The following LPCAT1 variants were observed in gnomAD, a reference collection of about 807,000 sequenced individuals.
LPCAT1 encodes 1-acylglycerol-3-phosphate O-acyltransferase.
In LPCAT1, 23 loss-of-function variants were observed where a neutral mutation model predicts 60.9. The ratio of observed to expected loss-of-function variants is 0.38; its 90% CI spans 0.27 to 0.53. The LOEUF (loss-of-function observed/expected upper bound fraction) is 0.53, where lower values mean the gene tolerates loss of function less well. Ranked by LOEUF, LPCAT1 falls within the 20% of genes least tolerant of loss-of-function variation. The probability of loss-of-function intolerance (pLI) is 0.82; values close to 1 mark genes in which losing one functional copy is unlikely to be tolerated. For synonymous variants in LPCAT1, 340 were observed against 301.1 expected, an observed-to-expected ratio of 1.13 and a Z score of -1.34; for missense variants, 622 against 723.6, an observed-to-expected ratio of 0.86 and a Z score of 1.61.
rs1366802353 is a variant in LPCAT1, at chr5:1,483,975, T to C, written c.668-489A>G. On this transcript the variant is annotated intron_variant, in intron 5 of 13. Coordinates refer to ENST00000283415, the MANE Select transcript of LPCAT1 (RefSeq NM_024830.5). This position sits in a 1 kb window ranked among gnomAD's most constrained non-coding sequence, Gnocchi z 9.2. ...AGGCGTTGGTGGGAAGTGGGGGTCC[T>C]CATCACCGGCCAATGCTCACCCACC... Among the ~76,000 whole-genome samples, 2 of 152,250 alleles carry C rather than the reference T, an allele frequency of 1.3e-5. No homozygotes were observed. The highest frequency in any genetic ancestry group is 2.1e-4 in the South Asian group (1 of 4,836).
intron 12 of LPCAT1, among the ~76,000 whole-genome samples, chr5:1,467,979 T>C (rs1480076526): frequency 3.3e-5 from 5 of 152,008 alleles, no homozygotes. Flanking sequence ...TTGTGAGCGT[T>C]TGCTCCACCC....
Position 1,502,331 on chromosome 5 carries a change from A to G in LPCAT1, c.136-728T>C, listed in dbSNP as rs1461795627. 2.0e-5 allele frequency among the ~76,000 whole-genome samples: 3 copies of G among 152,264 alleles called. No homozygotes were observed. In the East Asian group the frequency reaches 5.8e-4, roughly 29 times the overall value. On this transcript the variant is annotated intron_variant, in intron 1 of 13. Coordinates refer to ENST00000283415, the MANE Select transcript of LPCAT1 (RefSeq NM_024830.5). This position sits in a 1 kb window ranked among gnomAD's most constrained non-coding sequence, Gnocchi z 5.5. ...TTCCCCTGAAATCGTTTATGTGGAC[A>G]TGAGAAAGCATACGCCACCCTAGGC...
rs766530725 is a variant in LPCAT1, at chr5:1,463,667, C to A, written c.1589G>T (p.Arg530Leu). The change falls in exon 14 of 14, where the codon CGC becomes CTC. Residue 530 changes from arginine to leucine, a missense_variant. Physicochemically the swap from Arg to Leu is moderately radical, Grantham distance 102. Transcript: ENST00000283415. The part of the protein sequence containing the change: ...ENSDAGRKPV[R>L]KKLD ...CCCTGGGTCCTAATCCAGCTTCTTG[C>A]GAACAGGCTTCCGCCCAGCGTCTGA... The A allele has an allele frequency of 5.6e-6, 9 of 1,614,172 alleles. No individual in the cohort carries two copies. The highest frequency in any genetic ancestry group is 7.6e-6 in the Non-Finnish European group (9 of 1,180,024).
intron 9 of LPCAT1, among the ~76,000 whole-genome samples, chr5:1,474,889 C>T (rs956257367): frequency 1.3e-5 from 2 of 152,250 alleles, no homozygotes; most frequent in African/African-American, 2.4e-5. Context: ...ACGGCAGCCA[C>T]ACCAAAGGTC....
chr5:1,499,375 C>G (rs1735923046), intron 2 of LPCAT1, among the ~76,000 whole-genome samples: 1 of 152,168 alleles, frequency 6.6e-6, no homozygotes, highest in Non-Finnish European at 1.5e-5. Flanking sequence ...CCCACAGCAC[C>G]ACATTCAGCC....
rs763516422 is a variant in LPCAT1, at chr5:1,461,789, G to A, written c.*1862C>T. The A allele has an allele frequency of 2.6e-5, 4 of 152,598 alleles. No homozygotes were observed. The highest frequency in any genetic ancestry group is 4.4e-5 in the Non-Finnish European group (3 of 68,032). 9.5% of individuals were successfully genotyped at this position (152,598 alleles called of 1,614,324 possible). On this transcript the variant is annotated 3_prime_UTR_variant, in exon 14 of 14. Coordinates refer to ENST00000283415, the MANE Select transcript of LPCAT1 (RefSeq NM_024830.5). ...AAAAACCCTTCATCTGCAGACCTGC[G>A]GAAGGGAGGTGGCCTGGGTCCCTTC...
At chr5:1,474,942 G>T (rs1341137444) in intron 9 of LPCAT1, among the ~76,000 whole-genome samples, 3 of 152,254 alleles carry the variant, frequency 2.0e-5, no homozygotes, top group South Asian at 4.1e-4. Context: ...GAAAAAGTTT[G>T]AAACAGCGTG....
intron 13 of LPCAT1, among the ~76,000 whole-genome samples, chr5:1,465,766 GCA>G (rs941380997): frequency 2.3e-5 from 2 of 86,452 alleles, no homozygotes; most frequent in African/African-American, 4.5e-5. Context: ...ACAAACGTGT[GCA>G]CACACGGTAA....
In LPCAT1 at chr5:1,481,045, G is replaced by A; in HGVS notation, c.727-69C>T. On this transcript the variant is annotated intron_variant, in intron 6 of 13. Transcript: ENST00000283415. The surrounding 1 kb of genome is among the most constrained non-coding windows in gnomAD (Gnocchi z 7.8). ...CAGGGCCTGCACCAAGCACCTGCGT[G>A]TGCCGGCCTCTCCCTGCACCTCCCA... The A allele has an allele frequency of 6.3e-7, 1 of 1,576,006 alleles. No homozygotes were observed.
chr5:1,466,853 C>A lies in LPCAT1; in HGVS notation c.1316G>T (p.Gly439Val). Residue 439 changes from glycine (G) to valine (V), a missense_variant, in exon 13 of 14, where the codon GGT becomes GTT. Transcript: ENST00000283415. ...GAQEDGSVGE[G>V]DLSCILKTAL... ...CGTCTTGAGGATGCAGGACAGGTCA[C>A]CTTCGCCGACGCTGCCGTCCTCTTG... The A allele has an allele frequency of 6.2e-7, 1 of 1,609,468 alleles. No homozygotes were observed. Among genetic ancestry groups the A allele is most frequent in the Non-Finnish European group, 8.5e-7 (1 of 1,177,202 alleles).
intron 3 of LPCAT1, among the ~76,000 whole-genome samples, chr5:1,491,497 T>TG (rs1316683546): frequency 9.7e-6 from 1 of 102,854 alleles, no homozygotes; most frequent in Non-Finnish European, 2.0e-5. Context: ...GGGGTAAATG[T>TG]GGGGGGTGCA....
In LPCAT1 at chr5:1,483,514, C is replaced by T. The variant is rs771180664; in HGVS notation, c.668-28G>A. On this transcript the variant is annotated intron_variant, in intron 5 of 13. Coordinates refer to ENST00000283415, the MANE Select transcript of LPCAT1 (RefSeq NM_024830.5). The surrounding 1 kb of genome is among the most constrained non-coding windows in gnomAD (Gnocchi z 9.2). ...GCCGAGAAAGGAACAGCGGTGTTGC[C>T]CATGGCAGCCCACGCAGGACAGCGT... The T allele has an allele frequency of 2.5e-6, 4 of 1,611,104 alleles. No homozygotes were observed. The South Asian group carries it at 4.4e-5, about 18-fold the overall frequency.
intron 1 of LPCAT1, among the ~76,000 whole-genome samples, chr5:1,512,532 A>G (rs952090823): frequency 2.6e-5 from 4 of 152,250 alleles, no homozygotes; most frequent in Non-Finnish European, 5.9e-5. Context: ...ACGGGGGGCC[A>G]CATCTCAGAC....
chr5:1,465,538 A>G (rs1734347895), intron 13 of LPCAT1, among the ~76,000 whole-genome samples: 1 of 151,260 alleles, frequency 6.6e-6, no homozygotes, highest in African/African-American at 2.4e-5. Context: ...AAGCACACGC[A>G]CACAGCAACT....
intron 2 of LPCAT1, among the ~76,000 whole-genome samples, chr5:1,500,613 G>A (rs571269668): frequency 5.3e-5 from 8 of 152,380 alleles, no homozygotes; most frequent in East Asian, 3.9e-4. Flanking sequence ...CCTCCTGTCC[G>A]AAGGCAGGGC....
chr5:1,488,489 G>C (rs372153630), intron 4 of LPCAT1, 38 bp from the exon 5 acceptor site: 1 of 1,354,574 alleles, frequency 7.4e-7, no homozygotes, highest in East Asian at 2.3e-5. Context: ...GCATTAAACT[G>C]TACATAATTA....
At position 1,487,547 on chromosome 5, in the gene LPCAT1, T is replaced by TA. The variant is rs1735417350; in HGVS notation, c.667+843_667+844insT. On this transcript the variant is annotated intron_variant, in intron 5 of 13. Transcript: ENST00000283415. This position sits in a 1 kb window ranked among gnomAD's most constrained non-coding sequence, Gnocchi z 6.1. ...CCGGCGGCACACGTAGGTGAGTGAC[T>TA]GCACACTTTCTCGACCCAGCTCCCA... Among the ~76,000 whole-genome samples, 1 of 152,112 alleles carries TA rather than the reference T, an allele frequency of 6.6e-6. No individual in the cohort carries two copies. Among genetic ancestry groups the TA allele is most frequent in the Non-Finnish European group, 1.5e-5 (1 of 68,020 alleles).
At chr5:1,513,143 C>A (rs1372830398) in intron 1 of LPCAT1, among the ~76,000 whole-genome samples, 1 of 152,162 alleles carries the variant, frequency 6.6e-6, no homozygotes, top group Non-Finnish European at 1.5e-5. Flanking sequence ...CAGGCAGGTG[C>A]CGGAGCCGCT....
chr5:1,470,922 G>T lies in LPCAT1; in HGVS notation c.1182C>A (p.Ser394Arg). The T allele has an allele frequency of 6.2e-7, 1 of 1,612,222 alleles. No homozygotes were observed. Among genetic ancestry groups the T allele is most frequent in the Non-Finnish European group, 8.5e-7 (1 of 1,179,506 alleles). The change falls in exon 12 of 14, where the codon AGC (serine) becomes AGA (arginine). Residue 394 changes from serine (S) to arginine (R), a missense_variant and splice_region_variant. By Grantham distance (110) the Ser-to-Arg change is moderately radical. Coordinates refer to ENST00000283415, the MANE Select transcript of LPCAT1 (RefSeq NM_024830.5). ...LEDMFSLFDE[S>R]GSGEVDLREC... ...CTCGCAGGTCCACCTCGCCGCTGCC[G>T]CTCTGTGGGGAGAGACGCTCTCAGC...
Sources: gnomAD v4.1 joint callset for allele counts (sites outside exome capture counted in the v4.1 genomes callset) on GRCh38, gnomAD v4.1.1 for gene constraint, Gnocchi (gnomAD v3.1) non-coding constraint, MANE v1.5 for transcripts, NCBI Gene and HGNC (gene_info 2026-07-23, HGNC 2026-07-21) for gene names.